RUNDC3B: variants seen among roughly 807,000 people sequenced by gnomAD.
RUNDC3B encodes the protein RUN domain containing 3B.
In RUNDC3B, 33 loss-of-function variants were observed where a neutral mutation model predicts 58.4. The observed-to-expected ratio is 0.56, with a 90% CI of 0.43 to 0.75. The LOEUF is 0.75. Ranked by LOEUF, RUNDC3B falls within the 30% of genes least tolerant of loss-of-function variation. RUNDC3B has a pLI of 0.00. For synonymous variants in RUNDC3B, 193 were observed against 195.2 expected, an observed-to-expected ratio of 0.99 and a Z score of 0.10; for missense variants, 501 against 535.7, an observed-to-expected ratio of 0.94 and a Z score of 0.64.
At chr7:87,819,566 C>T (rs575410446) in intron 10 of RUNDC3B, among the ~76,000 whole-genome samples, 7 of 152,104 alleles carry the variant, frequency 4.6e-5, no homozygotes, top group African/African-American at 7.2e-5. Flanking sequence ...CTCTCCACCC[C>T]AAATCAACAG....
intron 5 of RUNDC3B, among the ~76,000 whole-genome samples, chr7:87,740,087 G>C (rs1204132232): frequency 1.3e-5 from 2 of 152,024 alleles, no homozygotes; most frequent in Non-Finnish European, 2.9e-5. Flanking sequence ...TGAATTGATA[G>C]GCTTGCTCTG....
rs528326681 is a variant in RUNDC3B at position 87,628,580 on chromosome 7, C to T, written c.-244C>T. On this transcript the variant is annotated 5_prime_UTR_variant, in exon 1 of 11. Coordinates refer to ENST00000394654, the MANE Select transcript of RUNDC3B (RefSeq NM_001134405.2). Reference sequence around the variant, plus strand: ...GCGCCGAGGGCGGAGGTGGTGCGTGCGTGCGTGTGTGTGTGTGTGTGTGTG... The same window carrying T: ...GCGCCGAGGGCGGAGGTGGTGCGTGTGTGCGTGTGTGTGTGTGTGTGTGTG... 2.6e-4 allele frequency: 76 copies of T among 292,846 alleles called. No individual in the cohort carries two copies. The highest frequency in any genetic ancestry group is 2.3e-3 in the African/African-American group (72 of 31,622). The allele number at this position is 292,846 out of a possible 1,614,324, so 18.1% of individuals were successfully genotyped here. A position where few individuals can be genotyped will look rare whatever the true frequency, so the allele number is the denominator to read the frequency against.
At chr7:87,793,198 A>G (rs977967119) in intron 8 of RUNDC3B, among the ~76,000 whole-genome samples, 1 of 152,112 alleles carries the variant, frequency 6.6e-6, no homozygotes, top group Non-Finnish European at 1.5e-5. Context: ...GATTTAAACC[A>G]TAATAAAAAG....
intron 8 of RUNDC3B, among the ~76,000 whole-genome samples, chr7:87,784,799 G>C (rs1835119432): frequency 6.6e-6 from 1 of 151,758 alleles, no homozygotes; most frequent in Non-Finnish European, 1.5e-5. Flanking sequence ...CACTAAGTCT[G>C]TTCCTAGGTT....
At chr7:87,703,422 A>G (rs961387359) in intron 3 of RUNDC3B, among the ~76,000 whole-genome samples, 2 of 152,214 alleles carry the variant, frequency 1.3e-5, no homozygotes, top group Non-Finnish European at 2.9e-5. Context: ...GCTCCTTAAT[A>G]TGAAAGTACA....
At chr7:87,739,619 A>T (rs981130059) in intron 4 of RUNDC3B, among the ~76,000 whole-genome samples, 172 bp from the exon 5 acceptor site, 3 of 151,926 alleles carry the variant, frequency 2.0e-5, no homozygotes, top group Non-Finnish European at 4.4e-5. Flanking sequence ...TTGTCTCTTT[A>T]TTTTGGTCTA....
At chr7:87,654,257 C>A (rs1386146679) in intron 2 of RUNDC3B, among the ~76,000 whole-genome samples, 1 of 151,888 alleles carries the variant, frequency 6.6e-6, no homozygotes, top group Non-Finnish European at 1.5e-5. Context: ...TATGGAACCA[C>A]AAAAGACCCT....
At chr7:87,786,188 G>A (rs556093183) in intron 8 of RUNDC3B, among the ~76,000 whole-genome samples, 2 of 152,146 alleles carry the variant, frequency 1.3e-5, no homozygotes, top group Admixed American at 6.6e-5. Flanking sequence ...TCCTAAAAAC[G>A]TTCCTAGAAT....
At chr7:87,661,448 T>C (rs1305758792) in intron 2 of RUNDC3B, among the ~76,000 whole-genome samples, 3 of 151,702 alleles carry the variant, frequency 2.0e-5, no homozygotes, top group Non-Finnish European at 4.4e-5. Flanking sequence ...GTAACCATTA[T>C]TTTACTCTCT....
intron 3 of RUNDC3B, among the ~76,000 whole-genome samples, chr7:87,707,042 T>G (rs923564413): frequency 3.3e-5 from 5 of 151,930 alleles, no homozygotes; most frequent in African/African-American, 1.2e-4. Flanking sequence ...TTCAGAAGAT[T>G]AATACAAAAA....
intron 2 of RUNDC3B, among the ~76,000 whole-genome samples, chr7:87,651,822 G>A (rs1470662857): frequency 2.0e-5 from 3 of 152,030 alleles, no homozygotes; most frequent in Admixed American, 2.0e-4. Flanking sequence ...CAGAGCAAAG[G>A]ATTGAATTGA....
At chr7:87,774,417 CAG>C (rs1315568022) in intron 7 of RUNDC3B, among the ~76,000 whole-genome samples, 1 of 151,732 alleles carries the variant, frequency 6.6e-6, no homozygotes, top group Non-Finnish European at 1.5e-5. Flanking sequence ...AAAAAAGAAA[CAG>C]AATTAACAAA....
chr7:87,651,386 A>G (rs1339511222), intron 2 of RUNDC3B, among the ~76,000 whole-genome samples: 1 of 152,128 alleles, frequency 6.6e-6, no homozygotes, highest in African/African-American at 2.4e-5. Context: ...TGATTTTCTT[A>G]AATCAAAAAG....
intron 6 of RUNDC3B, among the ~76,000 whole-genome samples, chr7:87,764,133 C>T (rs969602510): frequency 6.6e-6 from 1 of 151,672 alleles, no homozygotes; most frequent in Non-Finnish European, 1.5e-5. Context: ...TTAATTTAAG[C>T]AACATTCAAC....
chr7:87,814,945 C>T (rs1836952128), intron 9 of RUNDC3B, among the ~76,000 whole-genome samples: 1 of 152,020 alleles, frequency 6.6e-6, no homozygotes, highest in South Asian at 2.1e-4. Flanking sequence ...TTATGAAATC[C>T]TATAAAATCT....
At chr7:87,776,094 A>G (rs1448561471) in intron 7 of RUNDC3B, among the ~76,000 whole-genome samples, 1 of 152,202 alleles carries the variant, frequency 6.6e-6, no homozygotes, top group Non-Finnish European at 1.5e-5. Flanking sequence ...TGGGAATGTG[A>G]TTAGTATAAA....
chr7:87,810,464 T>TGGTTTGTTTACTAAGTTAGGTAGC (rs1836655244), intron 9 of RUNDC3B, among the ~76,000 whole-genome samples: 2 of 152,190 alleles, frequency 1.3e-5, no homozygotes, highest in African/African-American at 4.8e-5. Context: ...AATTAGGCTT[T>TGGTTTGTTTACTAAGTTAGGTAGC]GGTTTGTTTA....
chr7:87,788,580 A>G (rs1360085603), intron 8 of RUNDC3B, among the ~76,000 whole-genome samples: 1 of 151,998 alleles, frequency 6.6e-6, no homozygotes, highest in Non-Finnish European at 1.5e-5. Context: ...TCTTATTTAT[A>G]TATTAAATTT....
At chr7:87,799,415 T>G (rs1835999364) in intron 8 of RUNDC3B, among the ~76,000 whole-genome samples, 1 of 152,184 alleles carries the variant, frequency 6.6e-6, no homozygotes, top group Non-Finnish European at 1.5e-5. Context: ...CTTTGGTGAC[T>G]TTCCCTTTCT....
Sources: gnomAD v4.1 joint callset for allele counts (sites outside exome capture counted in the v4.1 genomes callset) on GRCh38, gnomAD v4.1.1 for gene constraint, MANE v1.5 for transcripts, NCBI Gene and HGNC (gene_info 2026-07-23, HGNC 2026-07-21) for gene names.